Variants in EXOC6B observed in about 807,000 individuals in gnomAD.
EXOC6B encodes the protein SEC15 homolog B.
A neutral mutation model predicts 113.5 loss-of-function variants in EXOC6B; 54 were observed. The observed-to-expected ratio is 0.48, with a 90% CI of 0.38 to 0.60. The LOEUF is 0.60. Among genes scored for constraint, EXOC6B ranks in the 20% least tolerant of loss-of-function variants. The probability of loss-of-function intolerance (pLI) is 0.00; values close to 1 mark genes in which losing one functional copy is unlikely to be tolerated. For missense variants in EXOC6B, 797 were observed against 977.5 expected, an observed-to-expected ratio of 0.82 and a Z score of 2.46; for synonymous variants, 357 against 339.0, an observed-to-expected ratio of 1.05 and a Z score of -0.58.
chr2:72,377,084 C>T (rs1338628587), intron 19 of EXOC6B, among the ~76,000 whole-genome samples: 2 of 151,924 alleles, frequency 1.3e-5, no homozygotes, highest in African/African-American at 4.8e-5. Context: ...ATATGGCCAA[C>T]AGGAATATGA....
intron 17 of EXOC6B, among the ~76,000 whole-genome samples, chr2:72,469,974 T>C (rs1029443914): frequency 1.3e-5 from 2 of 152,186 alleles, no homozygotes; most frequent in African/African-American, 4.8e-5. Flanking sequence ...CTAATACTAA[T>C]CATTCACGCA....
intron 6 of EXOC6B, among the ~76,000 whole-genome samples, chr2:72,625,264 T>C (rs1191113104): frequency 6.6e-6 from 1 of 151,114 alleles, no homozygotes; most frequent in Non-Finnish European, 1.5e-5. Context: ...TATATGTGTA[T>C]ATATATACCT....
chr2:72,431,748 T>C (rs1423864917), intron 18 of EXOC6B, among the ~76,000 whole-genome samples: 1 of 152,110 alleles, frequency 6.6e-6, no homozygotes, highest in Non-Finnish European at 1.5e-5. Context: ...GCTGCACCCA[T>C]CAACACTTCA....
intron 6 of EXOC6B, among the ~76,000 whole-genome samples, chr2:72,681,480 A>C (rs1411637754): frequency 6.6e-6 from 1 of 152,220 alleles, no homozygotes; most frequent in Non-Finnish European, 1.5e-5. Context: ...AACCTGATAT[A>C]ATAAGGGCTT....
At chr2:72,656,898 C>T (rs1381731391) in intron 6 of EXOC6B, among the ~76,000 whole-genome samples, 1 of 152,096 alleles carries the variant, frequency 6.6e-6, no homozygotes, top group Non-Finnish European at 1.5e-5. Context: ...GTTGCCCAGG[C>T]TGGAGTCCAG....
chr2:72,438,330 G>T (rs1411329076), intron 18 of EXOC6B, among the ~76,000 whole-genome samples: 1 of 151,892 alleles, frequency 6.6e-6, no homozygotes, highest in Non-Finnish European at 1.5e-5. Context: ...AAAAAAGTTG[G>T]CTGGGCATAG....
chr2:72,447,771 T>TTTGTACTTGC (rs1408864533), intron 18 of EXOC6B, among the ~76,000 whole-genome samples: 4 of 152,242 alleles, frequency 2.6e-5, no homozygotes, highest in African/African-American at 9.6e-5. Flanking sequence ...CTTGTACTTG[T>TTTGTACTTGC]ACTTTGTACT....
In EXOC6B at chr2:72,536,896, T is replaced by G. The variant is rs145838539; in HGVS notation, c.916-21770A>C. Among the ~76,000 whole-genome samples the G allele has an allele frequency of 9.2e-3, 1,400 of 152,336 alleles. 8 individuals carry two copies. Among genetic ancestry groups the G allele is most frequent in the Non-Finnish European group, 0.014 (942 of 68,024 alleles). On this transcript the variant is annotated intron_variant, in intron 8 of 21. Transcript: ENST00000272427. ...TGAGGAGAAATTAACAACTTTGCAT[T>G]GTATGAAGAACCTATCTATGAAGAG...
intron 21 of EXOC6B, 95 bp from the exon 22 acceptor site, chr2:72,179,556 A>G: frequency 7.1e-7 from 1 of 1,403,808 alleles, no homozygotes; most frequent in Non-Finnish European, 1.0e-6. Flanking sequence ...CATCTTAACC[A>G]CTACCCAGAG....
At chr2:72,714,594 A>T (rs1362117240) in intron 6 of EXOC6B, among the ~76,000 whole-genome samples, 1 of 152,162 alleles carries the variant, frequency 6.6e-6, no homozygotes, top group Admixed American at 6.5e-5. Flanking sequence ...ACACATACAG[A>T]TCTTAAACAA....
chr2:72,596,593 A>C (rs1490644846), intron 6 of EXOC6B, among the ~76,000 whole-genome samples: 1 of 152,092 alleles, frequency 6.6e-6, no homozygotes, highest in Non-Finnish European at 1.5e-5. Context: ...GGAAGAAAAA[A>C]GAAGAAAAAG....
chr2:72,274,320 A>C (rs1366533370), intron 20 of EXOC6B, among the ~76,000 whole-genome samples: 2 of 152,302 alleles, frequency 1.3e-5, no homozygotes, highest in East Asian at 3.9e-4. Flanking sequence ...TACTAAGCTG[A>C]CATGATCATG....
intron 6 of EXOC6B, among the ~76,000 whole-genome samples, chr2:72,629,836 T>G (rs1052342417): frequency 6.6e-6 from 1 of 152,224 alleles, no homozygotes; most frequent in East Asian, 1.9e-4. Context: ...TTGTAAACTC[T>G]GTCTTCTACC....
chr2:72,311,589 T>C (rs1160588260), intron 20 of EXOC6B, among the ~76,000 whole-genome samples: 4 of 152,124 alleles, frequency 2.6e-5, no homozygotes, highest in Non-Finnish European at 5.9e-5. Flanking sequence ...ATAATCAGGA[T>C]AATCTTACCA....
intron 6 of EXOC6B, among the ~76,000 whole-genome samples, chr2:72,624,313 G>A (rs1034917480): frequency 1.3e-5 from 2 of 152,110 alleles, no homozygotes; most frequent in African/African-American, 4.8e-5. Flanking sequence ...TGCCCAGGCT[G>A]GTCTCAAACC....
chr2:72,765,233 C>T (rs1242837737), intron 1 of EXOC6B, among the ~76,000 whole-genome samples: 1 of 152,094 alleles, frequency 6.6e-6, no homozygotes, highest in Non-Finnish European at 1.5e-5. Flanking sequence ...GAGTTCAAGG[C>T]TGTAGTGAGC....
chr2:72,392,946 T>C (rs1692480788), intron 18 of EXOC6B, among the ~76,000 whole-genome samples: 1 of 152,182 alleles, frequency 6.6e-6, no homozygotes, highest in Admixed American at 6.5e-5. Flanking sequence ...ATTTCTAGAA[T>C]ATTTGCTCAG....
At chr2:72,330,071 C>T (rs1688342097) in intron 20 of EXOC6B, among the ~76,000 whole-genome samples, 1 of 151,988 alleles carries the variant, frequency 6.6e-6, no homozygotes, top group East Asian at 1.9e-4. Context: ...AATGTCACAA[C>T]CTAGTTCATT....
At chr2:72,517,623 T>C (rs1475369664) in intron 8 of EXOC6B, among the ~76,000 whole-genome samples, 1 of 152,182 alleles carries the variant, frequency 6.6e-6, no homozygotes, top group Non-Finnish European at 1.5e-5. Context: ...TATTATTAAA[T>C]CTTAATTACA....
Sources: allele counts gnomAD v4.1 joint callset (sites outside exome capture counted in the v4.1 genomes callset), GRCh38; gene constraint gnomAD v4.1.1; transcripts MANE v1.5; gene names NCBI Gene and HGNC (gene_info 2026-07-23, HGNC 2026-07-21).